The following METTL15 variants were observed in gnomAD, a reference collection of about 807,000 sequenced individuals.
The protein encoded by METTL15 is 12S rRNA N(4)-cytidine methyltransferase METTL15.
Under a neutral mutation model 38.3 loss-of-function variants are expected in METTL15, and 34 were observed. The observed-to-expected ratio is 0.89, with a 90% CI of 0.68 to 1.18. The LOEUF (loss-of-function observed/expected upper bound fraction) is 1.18. Among genes scored for constraint, METTL15 ranks in the 50% most tolerant of loss-of-function variants. The probability of loss-of-function intolerance (pLI) is 0.00; values close to 1 mark genes in which losing one functional copy is unlikely to be tolerated. For missense variants in METTL15, 438 were observed against 498.4 expected, an observed-to-expected ratio of 0.88 and a Z score of 1.15; for synonymous variants, 162 against 170.9, an observed-to-expected ratio of 0.95 and a Z score of 0.41.
intron 6 of METTL15, among the ~76,000 whole-genome samples, chr11:28,458,189 C>A (rs1015491691): frequency 2.6e-5 from 4 of 152,140 alleles, no homozygotes; most frequent in Admixed American, 2.0e-4. Context: ...GTAACTGTTA[C>A]ATTTTTATGG....
chr11:28,347,053 G>A (rs1393771908), intron 3 of METTL15, among the ~76,000 whole-genome samples: 1 of 152,192 alleles, frequency 6.6e-6, no homozygotes, highest in African/African-American at 2.4e-5. Context: ...GAACAAAGAT[G>A]AAATACCAAA....
intron 3 of METTL15, among the ~76,000 whole-genome samples, chr11:28,338,623 C>T (rs111884367): frequency 1.1e-4 from 16 of 151,918 alleles, no homozygotes; most frequent in African/African-American, 3.9e-4. Flanking sequence ...CTGTGAAATC[C>T]CTCCATGATC....
chr11:28,156,030 G>A (rs1469049988), intron 3 of METTL15, among the ~76,000 whole-genome samples: 1 of 152,148 alleles, frequency 6.6e-6, no homozygotes, highest in Non-Finnish European at 1.5e-5. Flanking sequence ...GTTGAAGACT[G>A]AATAAATGTA....
intron 3 of METTL15, among the ~76,000 whole-genome samples, chr11:28,118,519 G>A (rs1006367222): frequency 1.6e-4 from 25 of 151,684 alleles, no homozygotes; most frequent in Admixed American, 1.2e-3. Flanking sequence ...AGATATTTTA[G>A]TCTGGGCTAA....
intron 3 of METTL15, among the ~76,000 whole-genome samples, chr11:28,342,959 T>A (rs1161216413): frequency 6.6e-6 from 1 of 152,184 alleles, no homozygotes. Flanking sequence ...ATGGCAAACA[T>A]CTTACATTCC....
intron 5 of METTL15, among the ~76,000 whole-genome samples, chr11:28,382,351 T>G (rs1220170854): frequency 6.6e-6 from 1 of 152,166 alleles, no homozygotes; most frequent in Non-Finnish European, 1.5e-5. Context: ...TCAGGGATAT[T>G]TCTCCATTTA....
chr11:28,163,545 C>T (rs1430418207), intron 3 of METTL15: 49 of 397,276 alleles, frequency 1.2e-4, no homozygotes. Context: ...CTCTCTCTCT[C>T]TCTCTCTGTG....
intron 3 of METTL15, 47 bp from the exon 4 acceptor site, chr11:28,211,015 A>T: frequency 6.4e-7 from 1 of 1,556,684 alleles, no homozygotes; most frequent in Non-Finnish European, 8.7e-7. Context: ...GTCAAGAATA[A>T]GTTTTGTTTA....
chr11:28,123,759 G>C, intron 3 of METTL15: 2 of 671,416 alleles, frequency 3.0e-6, no homozygotes, highest in African/African-American at 1.9e-5. Flanking sequence ...TTTTATCTTT[G>C]TCCTATTTGG....
At chr11:28,507,049 A>G (rs527567549) in intron 6 of METTL15, among the ~76,000 whole-genome samples, 2 of 152,130 alleles carry the variant, frequency 1.3e-5, no homozygotes, top group Non-Finnish European at 2.9e-5. Flanking sequence ...CCTGGCCCTC[A>G]GTCTTTTTAA....
intron 5 of METTL15, among the ~76,000 whole-genome samples, chr11:28,379,237 A>C (rs1313410612): frequency 6.6e-6 from 1 of 150,822 alleles, no homozygotes; most frequent in African/African-American, 2.4e-5. Context: ...TTTATTATTT[A>C]TTTTCTTCCA....
intron 6 of METTL15, among the ~76,000 whole-genome samples, chr11:28,450,783 G>T (rs1457444270): frequency 6.6e-6 from 1 of 152,114 alleles, no homozygotes; most frequent in Non-Finnish European, 1.5e-5. Context: ...GATTTTCAAA[G>T]GCAATCGTAA....
intron 4 of METTL15, among the ~76,000 whole-genome samples, chr11:28,229,770 C>T (rs537003272): frequency 1.3e-5 from 2 of 152,100 alleles, no homozygotes; most frequent in East Asian, 3.9e-4. Flanking sequence ...TTTGTTGTAG[C>T]ACCCTAAATG....
chr11:28,479,431 T>C (rs547837673), intron 6 of METTL15, among the ~76,000 whole-genome samples: 3 of 152,256 alleles, frequency 2.0e-5, no homozygotes, highest in South Asian at 2.1e-4. Flanking sequence ...ATGGTTCCCA[T>C]TGGCTTTTTT....
intron 4 of METTL15, among the ~76,000 whole-genome samples, chr11:28,246,431 A>G (rs1450417103): frequency 6.6e-6 from 1 of 152,144 alleles, no homozygotes; most frequent in Non-Finnish European, 1.5e-5. Flanking sequence ...TTAGATATTT[A>G]TTTTGGCTTG....
intron 5 of METTL15, among the ~76,000 whole-genome samples, chr11:28,293,641 T>G (rs1391462929): frequency 6.6e-6 from 1 of 151,462 alleles, no homozygotes; most frequent in Non-Finnish European, 1.5e-5. Context: ...ATAAATTACC[T>G]TGGGCAGTAT....
At chr11:28,467,814 A>G (rs745984014) in intron 6 of METTL15, among the ~76,000 whole-genome samples, 1 of 152,204 alleles carries the variant, frequency 6.6e-6, no homozygotes, top group Non-Finnish European at 1.5e-5. Flanking sequence ...TGCACAATGA[A>G]GGAAATAAAG....
chr11:28,479,024 C>T (rs957110770), intron 6 of METTL15, among the ~76,000 whole-genome samples: 1 of 150,216 alleles, frequency 6.7e-6, no homozygotes. Flanking sequence ...TAAACTTGTA[C>T]TTTGAAAACT....
intron 3 of METTL15, among the ~76,000 whole-genome samples, chr11:28,192,906 C>G (rs1174377598): frequency 6.6e-6 from 1 of 152,048 alleles, no homozygotes; most frequent in African/African-American, 2.4e-5. Context: ...GGAATTTGTT[C>G]ACTTCAGCTA....
Sources: gnomAD v4.1 joint callset for allele counts (sites outside exome capture counted in the v4.1 genomes callset) on GRCh38, gnomAD v4.1.1 for gene constraint, MANE v1.5 for transcripts, NCBI Gene and HGNC (gene_info 2026-07-23, HGNC 2026-07-21) for gene names.